NWD2: variants seen among roughly 807,000 people sequenced by gnomAD.
The protein encoded by NWD2 is NACHT and WD repeat domain-containing protein 2.
Under a neutral mutation model 132.7 loss-of-function variants are expected in NWD2, and 37 were observed. The observed-to-expected ratio is 0.28, with a 90% CI of 0.21 to 0.37. NWD2 has a LOEUF of 0.37. Among genes scored for constraint, NWD2 ranks in the 10% least tolerant of loss-of-function variants. The pLI is 1.00. For synonymous variants in NWD2, 705 were observed against 803.0 expected (o/e 0.88, Z 2.06); for missense variants, 1,592 against 2,122.4 (o/e 0.75, Z 4.91).
intron 3 of NWD2, among the ~76,000 whole-genome samples, chr4:37,391,462 G>C (rs1720678167): frequency 6.6e-6 from 1 of 152,180 alleles, no homozygotes; most frequent in Non-Finnish European, 1.5e-5. Flanking sequence ...TTTTGAGTGA[G>C]GAGAAAGGGA....
At chr4:37,332,181 G>A (rs1463032725) in intron 2 of NWD2, among the ~76,000 whole-genome samples, 1 of 152,074 alleles carries the variant, frequency 6.6e-6, no homozygotes, top group East Asian at 1.9e-4. Context: ...GGGTGCATGT[G>A]AACTAGCAAG....
chr4:37,287,892 A>G (rs1052133399), intron 1 of NWD2, among the ~76,000 whole-genome samples: 2 of 152,250 alleles, frequency 1.3e-5, no homozygotes, highest in Non-Finnish European at 2.9e-5. Context: ...TTACAATAGC[A>G]AAGTCATGGA....
In NWD2 at chr4:37,392,985, G is replaced by A. The variant is rs189043095; in HGVS notation, c.357+36503G>A. Among the ~76,000 whole-genome samples, 171 of 152,212 alleles carry A rather than the reference G, an allele frequency of 1.1e-3. 1 individual carries two copies. The highest frequency in any genetic ancestry group is 3.4e-3 in the Middle Eastern group (1 of 294). On this transcript the variant is annotated intron_variant, in intron 3 of 6. Transcript: ENST00000309447. ...CAGAAATTCTCTTGACCCAAATCTC[G>A]GTCTGACATAAAATCATTTCCAGCC...
intron 2 of NWD2, among the ~76,000 whole-genome samples, chr4:37,327,634 G>A (rs1425960865): frequency 6.6e-6 from 1 of 152,058 alleles, no homozygotes; most frequent in East Asian, 1.9e-4. Flanking sequence ...AATATGCAAG[G>A]TTACATTTGC....
At chr4:37,248,515 A>C (rs893800803) in intron 1 of NWD2, among the ~76,000 whole-genome samples, 6 of 152,210 alleles carry the variant, frequency 3.9e-5, no homozygotes, top group Non-Finnish European at 7.3e-5. Flanking sequence ...CTCCCACCCA[A>C]CATAGAAATT....
intron 1 of NWD2, among the ~76,000 whole-genome samples, chr4:37,245,702 C>T (rs76496439): frequency 0.14 from 21,954 of 152,124 alleles, 1,898 homozygotes; most frequent in Admixed American, 0.22. Context: ...TCTCCTCCTG[C>T]AGGTGCGATG....
At chr4:37,276,195 A>G (rs1314838854) in intron 1 of NWD2, among the ~76,000 whole-genome samples, 4 of 152,150 alleles carry the variant, frequency 2.6e-5, no homozygotes, top group African/African-American at 7.2e-5. Context: ...TTTGCAATCT[A>G]CTCATCTGAC....
At position 37,447,460 on chromosome 4, in the gene NWD2, C is replaced by A; in HGVS notation, c.*243C>A. On this transcript the variant is annotated 3_prime_UTR_variant, in exon 7 of 7. Transcript: ENST00000309447. ...TTAAATGGTTACTTCATCTGAAAGG[C>A]AGAGGCTAAAAGTTTTTAAATTAGC... 1.9e-6 allele frequency: 1 copy of A among 521,640 alleles called. No homozygotes were observed. The highest frequency in any genetic ancestry group is 3.4e-6 in the Non-Finnish European group (1 of 292,146). 32.3% of individuals were successfully genotyped at this position (521,640 alleles called of 1,614,324 possible).
At chr4:37,430,393 T>A (rs1330012411) in intron 3 of NWD2, among the ~76,000 whole-genome samples, 179 bp from the exon 4 acceptor site, 2 of 152,242 alleles carry the variant, frequency 1.3e-5, no homozygotes, top group Admixed American at 1.3e-4. Flanking sequence ...TTTGTTGTAA[T>A]ATAGTTGATC....
At position 37,430,772 on chromosome 4, in the gene NWD2, T is replaced by C. The variant is rs1355770847; in HGVS notation, c.558T>C (p.Asn186=). The C allele has an allele frequency of 1.3e-6, 2 of 1,550,362 alleles. No individual in the cohort carries two copies. Among genetic ancestry groups the C allele is most frequent in the African/African-American group, 1.4e-5 (1 of 73,002 alleles). Residue 186 remains asparagine, a synonymous_variant, in exon 4 of 7, where the codon AAT becomes AAC. Coordinates refer to ENST00000309447, the MANE Select transcript of NWD2 (RefSeq NM_001144990.2). ...PKSEMLRSNR[N]AMQPSTNAEN... is the part of the protein sequence containing the mutation. ...CAGAAATGCTGAGAAGCAATAGAAA[T>C]GCAGTAAGCTGCCTTTCCCTCAAGC...
chr4:37,363,549 A>G (rs1720024627), intron 3 of NWD2, among the ~76,000 whole-genome samples: 1 of 152,170 alleles, frequency 6.6e-6, no homozygotes, highest in Admixed American at 6.5e-5. Context: ...AAAACCAAAT[A>G]CCACATGTTC....
intron 3 of NWD2, among the ~76,000 whole-genome samples, chr4:37,427,076 A>G (rs17493881): frequency 0.011 from 1,624 of 151,662 alleles, 13 homozygotes; most frequent in Middle Eastern, 0.017. Context: ...CTAATTGGCT[A>G]CTAGATGGAG....
At chr4:37,301,630 C>A (rs1210740655) in intron 1 of NWD2, among the ~76,000 whole-genome samples, 3 of 150,706 alleles carry the variant, frequency 2.0e-5, no homozygotes, top group Admixed American at 2.0e-4. Context: ...TTTTTTATTT[C>A]TAGAGGTTTT....
chr4:37,409,269 T>C (rs1721106670), intron 3 of NWD2, among the ~76,000 whole-genome samples: 1 of 151,118 alleles, frequency 6.6e-6, no homozygotes, highest in Non-Finnish European at 1.5e-5. Context: ...TGAAAAAAGG[T>C]TAGAGGAATG....
chr4:37,254,610 C>G (rs1179212790), intron 1 of NWD2, among the ~76,000 whole-genome samples: 4 of 152,172 alleles, frequency 2.6e-5, no homozygotes, highest in African/African-American at 9.7e-5. Flanking sequence ...TCTTGCATCA[C>G]TTCTTCAAAG....
At chr4:37,324,319 A>G (rs1577668217) in intron 1 of NWD2, among the ~76,000 whole-genome samples, 1 of 151,966 alleles carries the variant, frequency 6.6e-6, no homozygotes, top group African/African-American at 2.4e-5. Context: ...TTTAGATACC[A>G]TTTTTTTCAG....
intron 1 of NWD2, among the ~76,000 whole-genome samples, chr4:37,280,843 T>G (rs1020671233): frequency 1.3e-5 from 2 of 152,140 alleles, no homozygotes; most frequent in Middle Eastern, 3.2e-3. Context: ...GGACATAGCA[T>G]AGCAAATATG....
At chr4:37,384,117 G>C (rs1005774257) in intron 3 of NWD2, among the ~76,000 whole-genome samples, 1 of 152,020 alleles carries the variant, frequency 6.6e-6, no homozygotes, top group African/African-American at 2.4e-5. Flanking sequence ...CCCTCCCCAC[G>C]TCTGATTCCC....
chr4:37,351,403 C>T (rs1719759767), intron 2 of NWD2, among the ~76,000 whole-genome samples: 1 of 152,080 alleles, frequency 6.6e-6, no homozygotes, highest in African/African-American at 2.4e-5. Flanking sequence ...CTGGTTTAGA[C>T]TTGGGAGGCT....
Sources: allele counts gnomAD v4.1 joint callset (sites outside exome capture counted in the v4.1 genomes callset), GRCh38; gene constraint gnomAD v4.1.1; transcripts MANE v1.5; gene names NCBI Gene and HGNC (gene_info 2026-07-23, HGNC 2026-07-21).